The following RRM2B variants were observed in gnomAD, a reference collection of about 807,000 sequenced individuals.
RRM2B encodes the protein ribonucleoside-diphosphate reductase subunit M2 B.
RRM2B carries 20 observed loss-of-function variants against 45.9 expected under a neutral mutation model. That is an observed-to-expected ratio of 0.44 (90% CI 0.31 to 0.63). The LOEUF (loss-of-function observed/expected upper bound fraction) is 0.63, where lower values mean the gene tolerates loss of function less well. Among genes scored for constraint, RRM2B ranks in the 30% least tolerant of loss-of-function variants. The pLI is 0.09. For synonymous variants in RRM2B, 124 were observed against 132.3 expected (o/e 0.94, Z 0.43); for missense variants, 320 against 414.7 (o/e 0.77, Z 1.98).
intron 7 of RRM2B, 62 bp downstream of exon 7, chr8:102,213,992 T>C (rs1366824736): frequency 3.5e-6 from 4 of 1,127,856 alleles, no homozygotes; most frequent in Non-Finnish European, 5.4e-6. Flanking sequence ...TGAGTCAATA[T>C]AATAGTGGTA....
rs1810536967 is a variant in RRM2B, at chr8:102,205,904, C to A, written c.*2229G>T. The A allele has an allele frequency of 6.6e-6, 1 of 151,730 alleles. No individual in the cohort carries two copies. The highest frequency in any genetic ancestry group is 1.5e-5 in the Non-Finnish European group (1 of 67,802). The allele number at this position is 151,730 out of a possible 1,614,324, so 9.4% of individuals were successfully genotyped here. On this transcript the variant is annotated 3_prime_UTR_variant, in exon 9 of 9. Coordinates refer to ENST00000251810, the MANE Select transcript of RRM2B (RefSeq NM_015713.5). The stretch of plus-strand genomic sequence containing the variant: ...AGTATTAAGACTTCTTCATCCAAAT[C>A]CAGTTAGGTTTATTGCTATTATAAA...
intron 5 of RRM2B, among the ~76,000 whole-genome samples, chr8:102,222,838 T>C (rs1007715051): frequency 1.8e-4 from 27 of 152,294 alleles, no homozygotes; most frequent in African/African-American, 5.1e-4. Flanking sequence ...TTGGAAAATA[T>C]AGAAACTTAT....
intron 2 of RRM2B, among the ~76,000 whole-genome samples, chr8:102,230,462 T>C (rs568200791): frequency 2.6e-5 from 4 of 152,326 alleles, no homozygotes; most frequent in Non-Finnish European, 5.9e-5. Flanking sequence ...TTTAACATAA[T>C]GAACGAAAAA....
At chr8:102,232,983 C>A (rs1397326712) in intron 1 of RRM2B, among the ~76,000 whole-genome samples, 2 of 152,170 alleles carry the variant, frequency 1.3e-5, no homozygotes, top group African/African-American at 4.8e-5. Context: ...CTTCAAAACA[C>A]GATGGCACTC....
chr8:102,238,138 T>TGA (rs766844727), intron 1 of RRM2B, among the ~76,000 whole-genome samples: 1 of 152,224 alleles, frequency 6.6e-6, no homozygotes, highest in Admixed American at 6.5e-5. Context: ...CATAAACAAC[T>TGA]TGGATGAACA....
intron 8 of RRM2B, among the ~76,000 whole-genome samples, chr8:102,210,493 G>A (rs944381705): frequency 3.3e-5 from 5 of 151,804 alleles, no homozygotes; most frequent in East Asian, 3.9e-4. Flanking sequence ...ACAGAGTTTC[G>A]GTCTTTTTGC....
At chr8:102,218,234 G>A (rs1810765784) in intron 6 of RRM2B, among the ~76,000 whole-genome samples, 1 of 152,080 alleles carries the variant, frequency 6.6e-6, no homozygotes, top group Non-Finnish European at 1.5e-5. Context: ...CAGCCAGGAG[G>A]GCATATATAG....
chr8:102,211,838 C>T (rs996741849), intron 8 of RRM2B, among the ~76,000 whole-genome samples: 5 of 152,072 alleles, frequency 3.3e-5, no homozygotes, highest in African/African-American at 1.2e-4. Context: ...ACCTACGCCC[C>T]ACTTGACTTT....
rs191671262 is a variant in RRM2B, at chr8:102,234,265, A to G, written c.49-1961T>C. ...AAGTTAGAATGAAAGTCACATTTGT[A>G]TACACATTCTCCTGTTCTATCCTGA... is the stretch of plus-strand genomic sequence containing the variant. On this transcript the variant is annotated intron_variant, in intron 1 of 8. Transcript: ENST00000251810. Among the ~76,000 whole-genome samples the G allele has an allele frequency of 2.2e-3, 331 of 152,358 alleles. 2 individuals carry two copies. Among genetic ancestry groups the G allele is most frequent in the Non-Finnish European group, 1.9e-3 (128 of 68,040 alleles).
At chr8:102,210,199 T>C (rs1018648823) in intron 8 of RRM2B, among the ~76,000 whole-genome samples, 2 of 152,236 alleles carry the variant, frequency 1.3e-5, no homozygotes, top group African/African-American at 4.8e-5. Context: ...TAAATATTTA[T>C]GTATCTTTTT....
intron 1 of RRM2B, among the ~76,000 whole-genome samples, chr8:102,235,936 C>T (rs1811114322): frequency 6.6e-6 from 1 of 152,104 alleles, no homozygotes; most frequent in South Asian, 2.1e-4. Context: ...TGATGGAGAT[C>T]CCATTAGTGG....
intron 5 of RRM2B, among the ~76,000 whole-genome samples, chr8:102,223,426 C>T (rs1810868187): frequency 6.6e-6 from 1 of 152,160 alleles, no homozygotes; most frequent in Non-Finnish European, 1.5e-5. Flanking sequence ...GGCACAGTGG[C>T]TCATGCCTGC....
intron 2 of RRM2B, 151 bp from the exon 3 acceptor site, chr8:102,226,185 A>G: frequency 1.6e-6 from 1 of 625,194 alleles, no homozygotes; most frequent in East Asian, 2.8e-5. Flanking sequence ...AAATAAAAAA[A>G]AAAGTTATGT....
intron 6 of RRM2B, among the ~76,000 whole-genome samples, chr8:102,215,671 C>T (rs1283536976): frequency 2.0e-5 from 3 of 151,988 alleles, no homozygotes; most frequent in Admixed American, 6.6e-5. Context: ...GAAGGCTGGG[C>T]ACGGGGGCTC....
At chr8:102,238,493 A>G (rs1379539616) in intron 1 of RRM2B, 1 of 1,337,446 alleles carries the variant, frequency 7.5e-7, no homozygotes, top group African/African-American at 1.5e-5. Context: ...TTCCCTGGCC[A>G]GGGCTCCAAA....
intron 6 of RRM2B, 81 bp downstream of exon 6, chr8:102,218,733 A>AG: frequency 7.7e-7 from 1 of 1,291,052 alleles, no homozygotes; most frequent in East Asian, 2.3e-5. Context: ...CTCAAAAAAA[A>AG]AAAAAAAAAG....
chr8:102,222,315 G>A (rs1177569398), intron 5 of RRM2B, among the ~76,000 whole-genome samples: 1 of 152,100 alleles, frequency 6.6e-6, no homozygotes, highest in East Asian at 1.9e-4. Flanking sequence ...GGCCTCAAGT[G>A]ATCACCTGTC....
chr8:102,205,603 T>C lies in RRM2B; in HGVS notation c.*2530A>G, dbSNP rs546403982. 4.7e-4 allele frequency: 72 copies of C among 152,278 alleles called. No homozygotes were observed. Among genetic ancestry groups the C allele is most frequent in the African/African-American group, 1.6e-3 (68 of 41,580 alleles). The allele number at this position is 152,278 out of a possible 1,614,324, so 9.4% of individuals were successfully genotyped here. A position where few individuals can be genotyped will look rare whatever the true frequency, so the allele number is the denominator to read the frequency against. On this transcript the variant is annotated 3_prime_UTR_variant, in exon 9 of 9. Coordinates refer to ENST00000251810, the MANE Select transcript of RRM2B (RefSeq NM_015713.5). The stretch of plus-strand genomic sequence containing the variant: ...CATTTTTAATAAATGCAATCTATCA[T>C]AGAACTGCAAGTTTTTATATTCCTA...
intron 6 of RRM2B, 61 bp from the exon 7 acceptor site, chr8:102,214,219 A>G: frequency 1.8e-6 from 2 of 1,122,698 alleles, no homozygotes; most frequent in Non-Finnish European, 2.7e-6. Flanking sequence ...GCATATGGTG[A>G]TGGGTCAAGC....
Sources: allele counts gnomAD v4.1 joint callset (sites outside exome capture counted in the v4.1 genomes callset), GRCh38; gene constraint gnomAD v4.1.1; transcripts MANE v1.5; gene names NCBI Gene and HGNC (gene_info 2026-07-23, HGNC 2026-07-21).